Variants in ADARB1 observed in about 807,000 individuals in gnomAD.
ADARB1 encodes the protein double-stranded RNA-specific editase 1.
ADARB1 carries 10 observed loss-of-function variants against 52.4 expected under a neutral mutation model. The ratio of observed to expected loss-of-function variants is 0.19; its 90% CI spans 0.12 to 0.32. ADARB1 has a LOEUF of 0.32. ADARB1 is among the 10% of genes least tolerant of loss of function. ADARB1 has a pLI of 1.00. For missense variants in ADARB1, 643 were observed against 922.3 expected (o/e 0.70, Z 3.92); for synonymous variants, 349 against 371.1 (o/e 0.94, Z 0.68).
At chr21:45,113,497 ATGTG>A (rs35666010) in intron 1 of ADARB1, among the ~76,000 whole-genome samples, 5,129 of 146,206 alleles carry the variant, frequency 0.035, 96 homozygotes, top group Non-Finnish European at 0.044. Flanking sequence ...GTGTGTATAT[ATGTG>A]TGTGTGTGTG....
At chr21:45,140,406 C>G (rs1048406573) in intron 2 of ADARB1, among the ~76,000 whole-genome samples, 2 of 152,188 alleles carry the variant, frequency 1.3e-5, no homozygotes, top group Non-Finnish European at 2.9e-5. Context: ...AGCAGAGCAC[C>G]TAGACCAGGC....
intron 9 of ADARB1, among the ~76,000 whole-genome samples, chr21:45,209,617 G>A (rs1178880500): frequency 6.6e-6 from 1 of 152,198 alleles, no homozygotes; most frequent in African/African-American, 2.4e-5. Context: ...CTTTGTCACA[G>A]AGCCAGTTTG....
intron 1 of ADARB1, among the ~76,000 whole-genome samples, chr21:45,093,166 G>A (rs2123692647): frequency 6.6e-6 from 1 of 152,146 alleles, no homozygotes; most frequent in East Asian, 1.9e-4. Context: ...TGCCCATTCT[G>A]TGCCTGGACC....
chr21:45,220,747 A>G lies in ADARB1; in HGVS notation c.1748-89A>G. On this transcript the variant is annotated intron_variant, in intron 9 of 10. Transcript: ENST00000348831. This position sits in a 1 kb window ranked among gnomAD's most constrained non-coding sequence, Gnocchi z 6.3. ...TCCCCCACCACGCACTTCTGTGGCCATGTCTGAGCACAGTGTGCCGCCCGT... is the reference window on the plus strand; with the variant it reads ...TCCCCCACCACGCACTTCTGTGGCCGTGTCTGAGCACAGTGTGCCGCCCGT... 7.1e-7 allele frequency: 1 copy of G among 1,416,060 alleles called. No homozygotes were observed. Among genetic ancestry groups the G allele is most frequent in the Non-Finnish European group, 9.8e-7 (1 of 1,022,148 alleles). The allele number at this position is 1,416,060 out of a possible 1,614,324, so 87.7% of individuals were successfully genotyped here.
rs2092528882 is a variant in ADARB1 at position 45,200,502 on chromosome 21, T to A, written c.1566-4053T>A. On this transcript the variant is annotated intron_variant, in intron 8 of 10. Coordinates refer to ENST00000348831, the MANE Select transcript of ADARB1 (RefSeq NM_001112.4). This position sits in a 1 kb window ranked among gnomAD's most constrained non-coding sequence, Gnocchi z 5.0. ...AGAGGAGGACCAGCAGCCTGTCTAT[T>A]CAGAGTCGGCTATGGCAAGGGGGCC... Among the ~76,000 whole-genome samples, 1 of 152,206 alleles carries A rather than the reference T, an allele frequency of 6.6e-6. No homozygotes were observed. The highest frequency in any genetic ancestry group is 2.4e-5 in the African/African-American group (1 of 41,444).
rs758704261 is a variant in ADARB1, at chr21:45,183,501, A to G, written c.1387A>G (p.Ile463Val). The G allele has an allele frequency of 5.0e-6, 8 of 1,612,262 alleles. No homozygotes were observed. Among genetic ancestry groups the G allele is most frequent in the African/African-American group, 1.3e-5 (1 of 74,850 alleles). ...CAGAATCTTCTCACCACATGAGCCA[A>G]TCCTGGAAGGTATGAGACGAGATTC... is the stretch of plus-strand genomic sequence containing the variant. ...DARIFSPHEP[I>V]LEEPADRHPN... The change falls in exon 7 of 11, where the codon ATC (isoleucine) becomes GTC (valine). Residue 463 changes from isoleucine to valine, a missense_variant. Around this residue, in one of 2 missense-constraint regions of ADARB1, gnomAD observed 263 missense variants for 475.8 expected, o/e 0.55. Transcript: ENST00000348831.
intron 8 of ADARB1, among the ~76,000 whole-genome samples, chr21:45,186,527 A>G (rs2092112627): frequency 1.3e-5 from 2 of 152,242 alleles, no homozygotes; most frequent in Admixed American, 6.5e-5. Context: ...ACTTACACCA[A>G]TAGTGCATTA....
chr21:45,148,199 T>C (rs1429856287), intron 2 of ADARB1, among the ~76,000 whole-genome samples: 1 of 152,180 alleles, frequency 6.6e-6, no homozygotes, highest in Non-Finnish European at 1.5e-5. Flanking sequence ...TTCACTCCTT[T>C]ATGCCCTCAC....
At chr21:45,175,502 T>C (rs2091655325) in intron 3 of ADARB1, among the ~76,000 whole-genome samples, 1 of 152,208 alleles carries the variant, frequency 6.6e-6, no homozygotes, top group Non-Finnish European at 1.5e-5. Context: ...TTGGTGACAC[T>C]AAATAGAAAT....
chr21:45,079,243 A>G (rs12483312), intron 1 of ADARB1, among the ~76,000 whole-genome samples: 10,013 of 152,290 alleles, frequency 0.066, 394 homozygotes, highest in East Asian at 0.16. Context: ...AGCCAACTAG[A>G]TTGTGACACA....
chr21:45,183,561 G>C (rs771743479), intron 7 of ADARB1, 51 bp downstream of exon 7: 1 of 1,590,836 alleles, frequency 6.3e-7, no homozygotes, highest in South Asian at 1.1e-5. Flanking sequence ...AATGTTAACA[G>C]ATAAAAACTA....
intron 1 of ADARB1, among the ~76,000 whole-genome samples, chr21:45,095,506 C>T (rs729895): frequency 0.18 from 26,997 of 152,178 alleles, 2,584 homozygotes; most frequent in East Asian, 0.32. Flanking sequence ...TTGTCGTCCA[C>T]GTTTCCCGAG....
At chr21:45,095,570 G>A (rs938176627) in intron 1 of ADARB1, among the ~76,000 whole-genome samples, 2 of 151,136 alleles carry the variant, frequency 1.3e-5, no homozygotes, top group Non-Finnish European at 3.0e-5. Flanking sequence ...CTGTTTCAGG[G>A]TTCTGCATCC....
intron 1 of ADARB1, among the ~76,000 whole-genome samples, chr21:45,076,752 A>C (rs2085952774): frequency 6.6e-6 from 1 of 152,246 alleles, no homozygotes; most frequent in Non-Finnish European, 1.5e-5. Flanking sequence ...TTTTGGAATA[A>C]GAATTTTTTT....
In ADARB1 at chr21:45,222,462, AG is replaced by A; in HGVS notation, c.*266del. On this transcript the variant is annotated 3_prime_UTR_variant, in exon 11 of 11. Coordinates refer to ENST00000348831, the MANE Select transcript of ADARB1 (RefSeq NM_001112.4). Reference sequence around the variant, plus strand: ...CAGCATTTCCCCTTCTGAACCGTCCAGTGACTGCTTTCAATCTCGGTTTACG... The same window carrying A: ...CAGCATTTCCCCTTCTGAACCGTCCATGACTGCTTTCAATCTCGGTTTACG... 1 of 1,231,918 alleles carries A rather than the reference AG, an allele frequency of 8.1e-7. No individual in the cohort carries two copies. Among genetic ancestry groups the A allele is most frequent in the Non-Finnish European group, 1.0e-6 (1 of 987,338 alleles). 76.3% of individuals were successfully genotyped at this position (1,231,918 alleles called of 1,614,324 possible).
intron 1 of ADARB1, among the ~76,000 whole-genome samples, chr21:45,087,121 C>T (rs1409965357): frequency 2.6e-5 from 4 of 152,156 alleles, no homozygotes; most frequent in African/African-American, 9.7e-5. Context: ...AAGAGGAAGT[C>T]GGTGAAGTAC....
chr21:45,193,117 C>T (rs898929430), intron 8 of ADARB1, among the ~76,000 whole-genome samples: 1 of 152,300 alleles, frequency 6.6e-6, no homozygotes, highest in Admixed American at 6.5e-5. Flanking sequence ...GGTTCCAAAA[C>T]CAGATGAAGA....
At chr21:45,167,025 G>A (rs1198358634) in intron 2 of ADARB1, among the ~76,000 whole-genome samples, 2 of 152,194 alleles carry the variant, frequency 1.3e-5, no homozygotes, top group Non-Finnish European at 2.9e-5. Flanking sequence ...GTGCTAAAGT[G>A]CTTGCATGTG....
chr21:45,144,169 A>G (rs1018564866), intron 2 of ADARB1, among the ~76,000 whole-genome samples: 1 of 152,208 alleles, frequency 6.6e-6, no homozygotes, highest in African/African-American at 2.4e-5. Flanking sequence ...TGTTGATTTT[A>G]TGTAAATAAT....
Sources: gnomAD v4.1 joint callset for allele counts (sites outside exome capture counted in the v4.1 genomes callset) on GRCh38, gnomAD v4.1.1 for gene constraint, gnomAD v4.1.1 regional missense constraint, Gnocchi (gnomAD v3.1) non-coding constraint, MANE v1.5 for transcripts, NCBI Gene and HGNC (gene_info 2026-07-23, HGNC 2026-07-21) for gene names.